Variants in ATP11A observed in about 807,000 individuals in gnomAD.
The protein encoded by ATP11A is phospholipid-transporting ATPase IH.
ATP11A carries 81 observed loss-of-function variants against 154.4 expected under a neutral mutation model. The ratio of observed to expected loss-of-function variants is 0.52; its 90% CI spans 0.44 to 0.63. The LOEUF (loss-of-function observed/expected upper bound fraction) is 0.63, where lower values mean the gene tolerates loss of function less well. ATP11A is among the 30% of genes least tolerant of loss of function. ATP11A has a pLI of 0.00. For missense variants in ATP11A, 1,316 were observed against 1,474.3 expected (o/e 0.89, Z 1.76); for synonymous variants, 623 against 585.9 (o/e 1.06, Z -0.91).
At position 112,882,128 on chromosome 13, in the gene ATP11A, G is replaced by A. The variant is rs1034370496; in HGVS notation, c.*262G>A. On this transcript the variant is annotated 3_prime_UTR_variant, in exon 30 of 30. Transcript: ENST00000375645. This position sits in a 1 kb window ranked among gnomAD's most constrained non-coding sequence, Gnocchi z 5.1. The stretch of plus-strand genomic sequence containing the variant: ...CTTCCTGGCCCCCAGCAGGCAAGGA[G>A]GGGGGTCACAGGCCTTGCCCTCGAG... 7.5e-7 allele frequency: 1 copy of A among 1,331,818 alleles called. No individual in the cohort carries two copies. The highest frequency in any genetic ancestry group is 1.0e-6 in the Non-Finnish European group (1 of 1,004,502). 82.5% of individuals were successfully genotyped at this position (1,331,818 alleles called of 1,614,324 possible).
Position 112,854,512 on chromosome 13 carries a change from C to G in ATP11A, c.2225C>G (p.Thr742Ser), listed in dbSNP as rs141752104. Residue 742 changes from threonine to serine, a missense_variant, in exon 19 of 30, where the codon ACC becomes AGC. Physicochemically the swap from Thr to Ser is moderately conservative, Grantham distance 58. Coordinates refer to ENST00000375645, the MANE Select transcript of ATP11A (RefSeq NM_015205.3). ...GTCCTGCGCCACAGCGGGAGCCTGA[C>G]CAGAGACAACCTGTCCGGGTAGGCA... ...KTVLRHSGSLTRDNLSGLSAD... is the reference protein window; with the variant it reads ...KTVLRHSGSLSRDNLSGLSAD... The G allele has an allele frequency of 1.2e-4, 187 of 1,610,480 alleles. No individual in the cohort carries two copies. Among genetic ancestry groups the G allele is most frequent in the Admixed American group, 1.7e-4 (10 of 59,990 alleles).
At chr13:112,718,645 G>T (rs1358873918) in intron 1 of ATP11A, among the ~76,000 whole-genome samples, 1 of 151,166 alleles carries the variant, frequency 6.6e-6, no homozygotes, top group African/African-American at 2.4e-5. Context: ...ATTAGCAGTC[G>T]GACCAGGGTG....
intron 1 of ATP11A, among the ~76,000 whole-genome samples, chr13:112,744,338 T>C (rs1377277146): frequency 6.6e-6 from 1 of 151,426 alleles, no homozygotes; most frequent in Non-Finnish European, 1.5e-5. Flanking sequence ...TGTTGATGGA[T>C]TTTTCTTTCC....
chr13:112,807,457 CACAGTAACGAA>C lies in ATP11A; in HGVS notation c.333+1167_333+1177del, dbSNP rs2140146658. ...CGCCGCGGTGCATGGCAGAACACAG[CACAGTAACGAA>C]ACGAACTGTGCTGCCTGGAGAACAG... On this transcript the variant is annotated intron_variant, in intron 4 of 29. Transcript: ENST00000375645. This position sits in a 1 kb window ranked among gnomAD's most constrained non-coding sequence, Gnocchi z 4.5. 6.6e-6 allele frequency among the ~76,000 whole-genome samples: 1 copy of C among 152,314 alleles called. No individual in the cohort carries two copies. Among genetic ancestry groups the C allele is most frequent in the Admixed American group, 6.5e-5 (1 of 15,306 alleles).
At chr13:112,707,974 A>G (rs192190327) in intron 1 of ATP11A, among the ~76,000 whole-genome samples, 107 of 152,378 alleles carry the variant, frequency 7.0e-4, no homozygotes, top group African/African-American at 2.5e-3. Context: ...TTTGAAAACT[A>G]CAACGCCTGC....
rs769806083 is a variant in ATP11A, at chr13:112,705,976, C to T, written c.39+15521C>T. On this transcript the variant is annotated intron_variant, in intron 1 of 29. Coordinates refer to ENST00000375645, the MANE Select transcript of ATP11A (RefSeq NM_015205.3). ...TACACTCAGTGCTGTACGATCATCA[C>T]CGCCAGGTACTTCCAGATCTTTTTC... Among the ~76,000 whole-genome samples the T allele has an allele frequency of 4.6e-5, 7 of 152,182 alleles. 1 individual carries two copies. Among genetic ancestry groups the T allele is most frequent in the Non-Finnish European group, 8.8e-5 (6 of 68,038 alleles).
intron 1 of ATP11A, among the ~76,000 whole-genome samples, chr13:112,755,483 C>G (rs1041055797): frequency 3.3e-5 from 5 of 152,240 alleles, no homozygotes; most frequent in African/African-American, 1.2e-4. Flanking sequence ...CCTCTCAGAG[C>G]CTCCGTTTCT....
intron 1 of ATP11A, among the ~76,000 whole-genome samples, chr13:112,761,309 A>G (rs1014184569): frequency 1.3e-5 from 2 of 152,232 alleles, no homozygotes; most frequent in South Asian, 4.1e-4. Context: ...CTTAATAAGG[A>G]AAAAGAAAAT....
chr13:112,823,483 C>G, intron 9 of ATP11A, 74 bp downstream of exon 9: 1 of 1,270,298 alleles, frequency 7.9e-7, no homozygotes, highest in East Asian at 2.5e-5. Flanking sequence ...AAACCCGCAG[C>G]GGAACCCGAG....
At chr13:112,819,500 G>T in intron 7 of ATP11A, 93 bp downstream of exon 7, 7 of 1,065,766 alleles carry the variant, frequency 6.6e-6, no homozygotes, top group Non-Finnish European at 9.9e-6. Flanking sequence ...CCATGTGGTG[G>T]TTTGGAAAGA....
intron 1 of ATP11A, among the ~76,000 whole-genome samples, chr13:112,755,752 T>G (rs993792635): frequency 2.0e-5 from 3 of 150,258 alleles, no homozygotes; most frequent in East Asian, 3.9e-4. Flanking sequence ...GAAGCGGCAC[T>G]CAGAGCGGCT....
At chr13:112,752,842 A>T (rs1174568172) in intron 1 of ATP11A, among the ~76,000 whole-genome samples, 1 of 152,134 alleles carries the variant, frequency 6.6e-6, no homozygotes, top group African/African-American at 2.4e-5. Context: ...GGGACTTTCC[A>T]GGAAAGTCAG....
At chr13:112,768,864 C>T (rs914022) in intron 1 of ATP11A, among the ~76,000 whole-genome samples, 2,141 of 152,246 alleles carry the variant, frequency 0.014, 54 homozygotes, top group African/African-American at 0.048. Context: ...TGGTTTCGCC[C>T]GGTCCTCAGG....
At position 112,735,852 on chromosome 13, in the gene ATP11A, T is replaced by C. The variant is rs189313478; in HGVS notation, c.39+45397T>C. ...GCAGTCGCTAAGTTGGGCTCAGCACTAAGGAGCACCTGACTTTTCCGAGGT... is the reference window on the plus strand; with the variant it reads ...GCAGTCGCTAAGTTGGGCTCAGCACCAAGGAGCACCTGACTTTTCCGAGGT... On this transcript the variant is annotated intron_variant, in intron 1 of 29. Transcript: ENST00000375645. Among the ~76,000 whole-genome samples the C allele has an allele frequency of 2.0e-3, 307 of 152,328 alleles. 4 individuals carry two copies. Among genetic ancestry groups the C allele is most frequent in the Non-Finnish European group, 3.6e-3 (244 of 68,028 alleles).
chr13:112,731,833 A>G (rs1198805256), intron 1 of ATP11A, among the ~76,000 whole-genome samples: 1 of 151,608 alleles, frequency 6.6e-6, no homozygotes, highest in African/African-American at 2.4e-5. Flanking sequence ...GAGCAGGTGC[A>G]GAAGTGCACG....
chr13:112,775,109 G>A (rs1319112827), intron 1 of ATP11A, among the ~76,000 whole-genome samples: 1 of 152,280 alleles, frequency 6.6e-6, no homozygotes, highest in African/African-American at 2.4e-5. Context: ...GGCTTAGAGA[G>A]CTAACAGCGT....
rs1024062414 is a variant in ATP11A, at chr13:112,808,176, C to T, written c.333+1883C>T. Among the ~76,000 whole-genome samples, 11 of 152,114 alleles carry T rather than the reference C, an allele frequency of 7.2e-5. 1 individual carries two copies. The highest frequency in any genetic ancestry group is 6.4e-3 in the Middle Eastern group (2 of 314). On this transcript the variant is annotated intron_variant, in intron 4 of 29. Coordinates refer to ENST00000375645, the MANE Select transcript of ATP11A (RefSeq NM_015205.3). ...GGCCCCAGACAACATGTGGTGTCCT[C>T]GGCCCGGCTGTGCCCCATCCCTGGC...
chr13:112,702,843 CT>C (rs1886732832), intron 1 of ATP11A, among the ~76,000 whole-genome samples: 1 of 152,212 alleles, frequency 6.6e-6, no homozygotes, highest in South Asian at 2.1e-4. Context: ...TGTCTTCCGC[CT>C]TTTTCCCAGC....
chr13:112,877,796 C>T (rs1466712578), intron 28 of ATP11A, among the ~76,000 whole-genome samples: 1 of 152,212 alleles, frequency 6.6e-6, no homozygotes, highest in Non-Finnish European at 1.5e-5. Flanking sequence ...GAGGGCCACG[C>T]CCCCGGATGT....
Sources: gnomAD v4.1 joint callset for allele counts (sites outside exome capture counted in the v4.1 genomes callset) on GRCh38, gnomAD v4.1.1 for gene constraint, Gnocchi (gnomAD v3.1) non-coding constraint, MANE v1.5 for transcripts, NCBI Gene and HGNC (gene_info 2026-07-23, HGNC 2026-07-21) for gene names.